CD109: variants seen among roughly 807,000 people sequenced by gnomAD.
The protein encoded by CD109 is CD109 antigen.
In CD109, 149 loss-of-function variants were observed where a neutral mutation model predicts 165.8. That is an observed-to-expected ratio of 0.90 (90% CI 0.79 to 1.03). CD109 has a LOEUF of 1.03. Among genes scored for constraint, CD109 ranks in the 50% least tolerant of loss-of-function variants. CD109 has a pLI of 0.00. For synonymous variants in CD109, 585 were observed against 592.1 expected (o/e 0.99, Z 0.18); for missense variants, 1,712 against 1,677.8 (o/e 1.02, Z -0.36).
At chr6:73,713,385 A>G (rs923311415) in intron 2 of CD109, among the ~76,000 whole-genome samples, 11 of 152,098 alleles carry the variant, frequency 7.2e-5, no homozygotes, top group African/African-American at 2.4e-4. Flanking sequence ...TCCCTACACC[A>G]TAGCGTTGGG....
intron 14 of CD109, among the ~76,000 whole-genome samples, chr6:73,768,592 G>T (rs1773932635): frequency 6.6e-6 from 1 of 152,174 alleles, no homozygotes; most frequent in South Asian, 2.1e-4. Flanking sequence ...AAAGGGTGTG[G>T]GAAGGAGTGA....
intron 23 of CD109, among the ~76,000 whole-genome samples, chr6:73,802,892 G>C (rs1431885667): frequency 6.6e-6 from 1 of 151,984 alleles, no homozygotes; most frequent in African/African-American, 2.4e-5. Flanking sequence ...TAGAGATGGG[G>C]TTTCACCATG....
At position 73,806,935 on chromosome 6, in the gene CD109, A is replaced by G; in HGVS notation, c.3052A>G (p.Lys1018Glu). Reference sequence around the variant, plus strand: ...GTTACACAGAACATACACTTGGCTTAAAGGACATCAGAAATCCAACGGTGA... The same window carrying G: ...GTTACACAGAACATACACTTGGCTTGAAGGACATCAGAAATCCAACGGTGA... Reference protein sequence around the residue: ...NVLHRTYTWLKGHQKSNGEFW... With the variant: ...NVLHRTYTWLEGHQKSNGEFW... The change falls in exon 25 of 33, where the codon AAA (lysine) becomes GAA (glutamate). Residue 1018 changes from lysine to glutamate, a missense_variant. Physicochemically the swap from Lys to Glu is moderately conservative, Grantham distance 56. Coordinates refer to ENST00000287097, the MANE Select transcript of CD109 (RefSeq NM_133493.5). The G allele has an allele frequency of 1.2e-6, 2 of 1,614,020 alleles. No homozygotes were observed. Among genetic ancestry groups the G allele is most frequent in the Non-Finnish European group, 1.7e-6 (2 of 1,179,964 alleles).
At position 73,779,554 on chromosome 6, in the gene CD109, C is replaced by G. The variant is rs897488818; in HGVS notation, c.1828-870C>G. Among the ~76,000 whole-genome samples the G allele has an allele frequency of 2.0e-5, 3 of 152,042 alleles. No homozygotes were observed. The South Asian group carries it at 6.2e-4, about 32-fold the overall frequency. ...TGAGCCACCGCACCTAGCCTCAGAG[C>G]TTCATTTCTTTTTACGGCTGAATAA... On this transcript the variant is annotated intron_variant, in intron 15 of 32. Coordinates refer to ENST00000287097, the MANE Select transcript of CD109 (RefSeq NM_133493.5).
chr6:73,760,111 A>C, intron 7 of CD109, among the ~76,000 whole-genome samples: 1 of 152,234 alleles, frequency 6.6e-6, no homozygotes, highest in East Asian at 1.9e-4. Flanking sequence ...AAATGTACTT[A>C]AAAAAGGCTT....
chr6:73,762,071 T>C (rs1440217775), intron 7 of CD109, among the ~76,000 whole-genome samples: 1 of 152,068 alleles, frequency 6.6e-6, no homozygotes, highest in Non-Finnish European at 1.5e-5. Context: ...CAAGCAGTTC[T>C]CCTGCCTCAG....
intron 2 of CD109, 129 bp downstream of exon 2, chr6:73,697,701 C>G (rs896263325): frequency 1.5e-6 from 1 of 674,974 alleles, no homozygotes; most frequent in East Asian, 2.8e-5. Flanking sequence ...ACTTTTAATT[C>G]TCACTCATGT....
At chr6:73,725,584 C>T (rs932630389) in intron 3 of CD109, among the ~76,000 whole-genome samples, 1 of 143,698 alleles carries the variant, frequency 7.0e-6, no homozygotes, top group African/African-American at 2.6e-5. Flanking sequence ...TCTCGGCTCA[C>T]TGCAACCTCC....
chr6:73,791,180 C>CATAA (rs1562071040), intron 22 of CD109, among the ~76,000 whole-genome samples: 1 of 49,822 alleles, frequency 2.0e-5, no homozygotes, highest in Non-Finnish European at 3.3e-5. Flanking sequence ...TATATATACA[C>CATAA]ACACACACAT....
chr6:73,814,878 C>A, intron 29 of CD109, 103 bp from the exon 30 acceptor site: 1 of 674,416 alleles, frequency 1.5e-6, no homozygotes, highest in East Asian at 3.3e-5. Flanking sequence ...AAAAATCTTA[C>A]TGGGTCCATC....
chr6:73,818,248 T>A, intron 30 of CD109, 140 bp from the exon 31 acceptor site: 2 of 804,956 alleles, frequency 2.5e-6, no homozygotes, highest in Non-Finnish European at 3.9e-6. Flanking sequence ...TGTTTTAAAA[T>A]TCTCTATAGG....
Position 73,807,012 on chromosome 6 carries a change from A to G in CD109, c.3129A>G (p.Lys1043=). The part of the protein sequence containing the change: ...VIHSELQGGN[K]SPVTLTAYIV... Reference sequence around the variant, plus strand: ...ATAGTGAGCTTCAAGGTGGCAATAAAAGTCCAGTAACACTTACAGCCTATA... The same window carrying G: ...ATAGTGAGCTTCAAGGTGGCAATAAGAGTCCAGTAACACTTACAGCCTATA... Residue 1043 remains lysine (K), a synonymous_variant, in exon 25 of 33, where the codon AAA becomes AAG. Transcript: ENST00000287097. 6.2e-7 allele frequency: 1 copy of G among 1,614,026 alleles called. No individual in the cohort carries two copies. The highest frequency in any genetic ancestry group is 8.5e-7 in the Non-Finnish European group (1 of 1,179,962).
At chr6:73,702,776 A>T (rs1206864316) in intron 2 of CD109, among the ~76,000 whole-genome samples, 1 of 152,180 alleles carries the variant, frequency 6.6e-6, no homozygotes, top group Non-Finnish European at 1.5e-5. Flanking sequence ...AATTATATGG[A>T]TATTGTGAGG....
At chr6:73,763,429 T>C (rs1773713123) in intron 9 of CD109, 147 bp from the exon 10 acceptor site, 3 of 518,930 alleles carry the variant, frequency 5.8e-6, no homozygotes, top group Non-Finnish European at 1.0e-5. Flanking sequence ...GTGGTGCTTG[T>C]AGTGTCAAAG....
intron 15 of CD109, among the ~76,000 whole-genome samples, chr6:73,777,252 G>T (rs1399871573): frequency 6.6e-6 from 1 of 150,744 alleles, no homozygotes; most frequent in Non-Finnish European, 1.5e-5. Context: ...GAGCCACTGT[G>T]CCTGGCCCCT....
chr6:73,749,490 G>A (rs575522701), intron 5 of CD109, among the ~76,000 whole-genome samples: 120 of 152,264 alleles, frequency 7.9e-4, no homozygotes, highest in African/African-American at 2.3e-3. Context: ...TGAAGAGAAA[G>A]GTGGGGAAGT....
At chr6:73,804,197 A>G (rs1462670396) in intron 24 of CD109, 1 of 152,248 alleles carries the variant, frequency 6.6e-6, no homozygotes, top group African/African-American at 2.4e-5. Context: ...AGAGAACTGT[A>G]TATTATTGAA....
intron 2 of CD109, among the ~76,000 whole-genome samples, chr6:73,709,322 A>G (rs1771432803): frequency 6.6e-6 from 1 of 152,134 alleles, no homozygotes; most frequent in South Asian, 2.1e-4. Context: ...GATGTGTGGC[A>G]TTATTTCTGA....
At position 73,827,276 on chromosome 6, in the gene CD109, T is replaced by C. The variant is rs943198014; in HGVS notation, c.*3643T>C. 2 of 152,124 alleles carry C rather than the reference T, an allele frequency of 1.3e-5. No homozygotes were observed. Among genetic ancestry groups the C allele is most frequent in the Non-Finnish European group, 2.9e-5 (2 of 68,022 alleles). 9.4% of individuals were successfully genotyped at this position (152,124 alleles called of 1,614,324 possible). ...GATGTATTCTTGGGTGCATTGGTTTTTTGCGCATTGTAAATTTAAGACACT... is the reference window on the plus strand; with the variant it reads ...GATGTATTCTTGGGTGCATTGGTTTCTTGCGCATTGTAAATTTAAGACACT... On this transcript the variant is annotated 3_prime_UTR_variant, in exon 33 of 33. Coordinates refer to ENST00000287097, the MANE Select transcript of CD109 (RefSeq NM_133493.5).
Sources: allele counts gnomAD v4.1 joint callset (sites outside exome capture counted in the v4.1 genomes callset), GRCh38; gene constraint gnomAD v4.1.1; transcripts MANE v1.5; gene names NCBI Gene and HGNC (gene_info 2026-07-23, HGNC 2026-07-21).